Variants in MEOX2 observed in about 807,000 individuals in gnomAD.
MEOX2 encodes homeobox protein MOX-2.
A neutral mutation model predicts 27.0 loss-of-function variants in MEOX2; 11 were observed. The ratio of observed to expected loss-of-function variants is 0.41; its 90% CI spans 0.26 to 0.68. MEOX2 has a LOEUF of 0.68. Among genes scored for constraint, MEOX2 ranks in the 30% least tolerant of loss-of-function variants. The probability of loss-of-function intolerance (pLI) is 0.33; values close to 1 mark genes in which losing one functional copy is unlikely to be tolerated. For synonymous variants in MEOX2, 189 were observed against 155.4 expected (o/e 1.22, Z -1.61); for missense variants, 436 against 385.4 (o/e 1.13, Z -1.10).
chr7:15,667,439 TTTG>T (rs1428638797), intron 1 of MEOX2, among the ~76,000 whole-genome samples: 11 of 152,116 alleles, frequency 7.2e-5, no homozygotes, highest in Non-Finnish European at 1.3e-4. Context: ...ATTGTCACCA[TTTG>T]TTTCCATCTT....
At chr7:15,645,465 CA>C (rs1781626780) in intron 1 of MEOX2, among the ~76,000 whole-genome samples, 1 of 152,162 alleles carries the variant, frequency 6.6e-6, no homozygotes, top group African/African-American at 2.4e-5. Context: ...GGGCTCATAC[CA>C]GTGAAAAGAA....
chr7:15,662,429 A>G (rs1486364292), intron 1 of MEOX2, among the ~76,000 whole-genome samples: 1 of 152,088 alleles, frequency 6.6e-6, no homozygotes. Context: ...AAACTGCTCC[A>G]ATAGCATGAA....
intron 2 of MEOX2, among the ~76,000 whole-genome samples, chr7:15,616,037 A>G (rs1399571492): frequency 6.6e-6 from 1 of 151,848 alleles, no homozygotes. Context: ...TTCTATGTCT[A>G]TCGTTGAAAT....
chr7:15,664,383 T>G (rs1185178984), intron 1 of MEOX2, among the ~76,000 whole-genome samples: 1 of 152,124 alleles, frequency 6.6e-6, no homozygotes, highest in Non-Finnish European at 1.5e-5. Context: ...CTAGTGAGAA[T>G]ATATGTGCAG....
chr7:15,670,488 C>T (rs2115390227), intron 1 of MEOX2, among the ~76,000 whole-genome samples: 1 of 152,188 alleles, frequency 6.6e-6, no homozygotes, highest in Admixed American at 6.5e-5. Flanking sequence ...AAATTTGTCT[C>T]GTTGTTTAGA....
intron 1 of MEOX2, among the ~76,000 whole-genome samples, chr7:15,656,230 C>G (rs1434364957): frequency 6.6e-6 from 1 of 151,622 alleles, no homozygotes; most frequent in Non-Finnish European, 1.5e-5. Context: ...TGCTCCCAAC[C>G]TAGATTTATG....
rs1457132453 is a variant in MEOX2, at chr7:15,626,888, A to G, written c.548T>C (p.Val183Ala). 9.3e-6 allele frequency: 15 copies of G among 1,612,166 alleles called. No individual in the cohort carries two copies. The highest frequency in any genetic ancestry group is 1.1e-5 in the South Asian group (1 of 90,986). Residue 183 changes from valine (V) to alanine (A), a missense_variant, in exon 2 of 3, where the codon GTC (valine) becomes GCC (alanine). By Grantham distance (64) the Val-to-Ala change is moderately conservative. Transcript: ENST00000262041. ...DSQEGNYKSE[V>A]NSKPRKERTA... ...CCTTTCTTTCCTGGGTTTGCTGTTGACTTCTGACTTGTAATTTCCTTCCTG... is the reference window on the plus strand; with the variant it reads ...CCTTTCTTTCCTGGGTTTGCTGTTGGCTTCTGACTTGTAATTTCCTTCCTG...
At chr7:15,640,897 CT>C (rs1471674624) in intron 1 of MEOX2, among the ~76,000 whole-genome samples, 2 of 152,084 alleles carry the variant, frequency 1.3e-5, no homozygotes, top group Admixed American at 6.6e-5. Context: ...GATGAATTAT[CT>C]TTTTTGATAT....
chr7:15,621,009 T>G (rs1319283559), intron 2 of MEOX2, among the ~76,000 whole-genome samples: 1 of 152,198 alleles, frequency 6.6e-6, no homozygotes, highest in Non-Finnish European at 1.5e-5. Flanking sequence ...GTCTTCCCAC[T>G]GTGAGATATT....
intron 1 of MEOX2, among the ~76,000 whole-genome samples, chr7:15,667,164 G>A (rs1393875039): frequency 3.3e-5 from 5 of 151,466 alleles, no homozygotes; most frequent in South Asian, 2.1e-4. Context: ...GGTGGCACAC[G>A]CCTGTTGTCC....
intron 2 of MEOX2, among the ~76,000 whole-genome samples, chr7:15,620,504 C>T (rs1781205624): frequency 6.6e-6 from 1 of 151,860 alleles, no homozygotes; most frequent in Non-Finnish European, 1.5e-5. Context: ...ACTCAGGAGG[C>T]GGAGCTTGCA....
At chr7:15,663,923 G>GTATAGAT (rs1781956536) in intron 1 of MEOX2, among the ~76,000 whole-genome samples, 2 of 152,162 alleles carry the variant, frequency 1.3e-5, no homozygotes, top group African/African-American at 4.8e-5. Flanking sequence ...GTTTGAAAAT[G>GTATAGAT]TATAGATAGA....
chr7:15,644,137 C>G (rs192462467), intron 1 of MEOX2, among the ~76,000 whole-genome samples: 6 of 152,250 alleles, frequency 3.9e-5, no homozygotes, highest in African/African-American at 1.4e-4. Context: ...GCAGGAGCTG[C>G]AGCTGTTCAG....
chr7:15,657,769 A>T (rs1185806718), intron 1 of MEOX2, among the ~76,000 whole-genome samples: 5 of 152,324 alleles, frequency 3.3e-5, no homozygotes, highest in Non-Finnish European at 7.3e-5. Context: ...ATTGGTCAGG[A>T]TCTGATGAGT....
intron 1 of MEOX2, among the ~76,000 whole-genome samples, chr7:15,631,191 T>C (rs558558562): frequency 6.6e-6 from 1 of 151,700 alleles, no homozygotes; most frequent in African/African-American, 2.4e-5. Flanking sequence ...GGAATTTCCA[T>C]CGAGTTATAA....
At chr7:15,618,878 T>C (rs1781167751) in intron 2 of MEOX2, among the ~76,000 whole-genome samples, 1 of 151,920 alleles carries the variant, frequency 6.6e-6, no homozygotes, top group South Asian at 2.1e-4. Context: ...AAGTCAATAA[T>C]TTTAATAACT....
intron 1 of MEOX2, among the ~76,000 whole-genome samples, chr7:15,662,485 C>T (rs1284198086): frequency 6.6e-6 from 1 of 151,644 alleles, no homozygotes; most frequent in African/African-American, 2.4e-5. Flanking sequence ...GTCAGCAGAA[C>T]AGAACTTTTG....
At chr7:15,641,913 C>A (rs560211800) in intron 1 of MEOX2, among the ~76,000 whole-genome samples, 1 of 151,500 alleles carries the variant, frequency 6.6e-6, no homozygotes, top group African/African-American at 2.4e-5. Flanking sequence ...TGTTGCCATT[C>A]GAAAAAAAAG....
intron 2 of MEOX2, among the ~76,000 whole-genome samples, chr7:15,620,436 C>T (rs936313719): frequency 6.6e-6 from 1 of 152,118 alleles, no homozygotes; most frequent in African/African-American, 2.4e-5. Context: ...GGCGTGGTAG[C>T]GGGCTCCTGT....
Sources: allele counts gnomAD v4.1 joint callset (sites outside exome capture counted in the v4.1 genomes callset), GRCh38; gene constraint gnomAD v4.1.1; transcripts MANE v1.5; gene names NCBI Gene and HGNC (gene_info 2026-07-23, HGNC 2026-07-21).